TRAF2: variants seen among roughly 807,000 people sequenced by gnomAD.
TRAF2 encodes TNF receptor associated factor 2.
A neutral mutation model predicts 55.6 loss-of-function variants in TRAF2; 6 were observed. The observed-to-expected ratio is 0.11, with a 90% CI of 0.06 to 0.21. The LOEUF (loss-of-function observed/expected upper bound fraction) is 0.21, where lower values mean the gene tolerates loss of function less well. Ranked by LOEUF, TRAF2 falls within the 10% of genes least tolerant of loss-of-function variation. The pLI is 1.00. For synonymous variants in TRAF2, 329 were observed against 276.3 expected (o/e 1.19, Z -1.89); for missense variants, 561 against 684.5 (o/e 0.82, Z 2.01).
intron 1 of TRAF2, among the ~76,000 whole-genome samples, chr9:136,888,129 C>T (rs1849495331): frequency 6.6e-6 from 1 of 152,148 alleles, no homozygotes; most frequent in South Asian, 2.1e-4. Flanking sequence ...CCTCGGCCTC[C>T]CAAAGTGCTA....
chr9:136,888,692 G>T (rs984252311), intron 1 of TRAF2, among the ~76,000 whole-genome samples: 2 of 152,214 alleles, frequency 1.3e-5, no homozygotes, highest in African/African-American at 4.8e-5. Flanking sequence ...TAACAATACA[G>T]CTTGTCCTTT....
chr9:136,887,860 A>C (rs1453788862), intron 1 of TRAF2, among the ~76,000 whole-genome samples: 1 of 152,074 alleles, frequency 6.6e-6, no homozygotes, highest in Admixed American at 6.6e-5. Flanking sequence ...GGTTACATAT[A>C]AAATTGTAAT....
At position 136,890,875 on chromosome 9, in the gene TRAF2, C is replaced by T. The variant is rs112346790; in HGVS notation, c.-29+4334C>T. Reference sequence around the variant, plus strand: ...CCGTGTCAGGATGTCACGATGGCCACGTGAGGCCGTGTCTGTGAGAAGCGT... The same window carrying T: ...CCGTGTCAGGATGTCACGATGGCCATGTGAGGCCGTGTCTGTGAGAAGCGT... On this transcript the variant is annotated intron_variant, in intron 1 of 10. Coordinates refer to ENST00000247668, the MANE Select transcript of TRAF2 (RefSeq NM_021138.4). Among the ~76,000 whole-genome samples the T allele has an allele frequency of 7.0e-4, 107 of 152,272 alleles. 1 individual carries two copies. Among genetic ancestry groups the T allele is most frequent in the Admixed American group, 2.1e-3 (32 of 15,278 alleles).
intron 6 of TRAF2, among the ~76,000 whole-genome samples, chr9:136,914,229 C>T (rs191873307): frequency 1.4e-3 from 219 of 152,300 alleles, no homozygotes; most frequent in African/African-American, 5.1e-3. Context: ...GTTCCATGGA[C>T]GGCCCTGCCG....
Position 136,908,124 on chromosome 9 carries a change from G to C in TRAF2, c.421G>C (p.Gly141Arg). ...LMLTECPACK[G>R]LVRLGEKERH... is the part of the protein sequence containing the mutation. ...GCTGACCGAATGTCCCGCGTGCAAA[G>C]GCCTGGTCCGCCTTGGTGAAAAGGA... The change falls in exon 5 of 11, where the codon GGC (glycine) becomes CGC (arginine). Residue 141 changes from glycine to arginine, a missense_variant. Transcript: ENST00000247668. 6.2e-7 allele frequency: 1 copy of C among 1,605,942 alleles called. No homozygotes were observed.
chr9:136,924,518 C>T (rs759733802), intron 10 of TRAF2, among the ~76,000 whole-genome samples: 14 of 151,644 alleles, frequency 9.2e-5, no homozygotes, highest in African/African-American at 2.4e-4. Context: ...GCCGAGATCA[C>T]GCTACTGCAC....
chr9:136,898,197 A>G (rs1173846268), intron 1 of TRAF2, among the ~76,000 whole-genome samples: 2 of 152,180 alleles, frequency 1.3e-5, no homozygotes, highest in East Asian at 3.8e-4. Context: ...GTCTGGCGGC[A>G]TGGCTCTCTC....
At position 136,926,101 on chromosome 9, in the gene TRAF2, G is replaced by A. The variant is rs1324697437; in HGVS notation, c.*200G>A. The stretch of plus-strand genomic sequence containing the variant: ...CAGTCCTCAGATTTCAGAGACTGCG[G>A]AGGGGCTTGGCAGACGGTCTTAGCC... On this transcript the variant is annotated 3_prime_UTR_variant, in exon 11 of 11. Coordinates refer to ENST00000247668, the MANE Select transcript of TRAF2 (RefSeq NM_021138.4). The A allele has an allele frequency of 1.3e-6, 1 of 779,668 alleles. No homozygotes were observed. The highest frequency in any genetic ancestry group is 2.3e-6 in the Non-Finnish European group (1 of 439,974). The allele number at this position is 779,668 out of a possible 1,614,324, so 48.3% of individuals were successfully genotyped here.
chr9:136,912,536 T>C (rs1218098989), intron 6 of TRAF2, among the ~76,000 whole-genome samples: 2 of 152,006 alleles, frequency 1.3e-5, no homozygotes, highest in Non-Finnish European at 2.9e-5. Context: ...ATATATAGAG[T>C]AGGTTTAAAA....
intron 4 of TRAF2, 26 bp downstream of exon 4, chr9:136,900,546 T>A (rs1366158706): frequency 6.3e-7 from 1 of 1,596,588 alleles, no homozygotes; most frequent in Middle Eastern, 1.7e-4. Flanking sequence ...TGTGGCATGG[T>A]GACAGAAGCT....
intron 1 of TRAF2, among the ~76,000 whole-genome samples, chr9:136,890,867 G>A (rs1323106380): frequency 1.3e-5 from 2 of 152,290 alleles, no homozygotes; most frequent in Non-Finnish European, 2.9e-5. Flanking sequence ...AGGATGTCAC[G>A]ATGGCCACGT....
intron 6 of TRAF2, among the ~76,000 whole-genome samples, chr9:136,913,175 G>GGCTTCT (rs1237922907): frequency 6.6e-6 from 1 of 151,874 alleles, no homozygotes; most frequent in East Asian, 1.9e-4. Flanking sequence ...CCAGCAACAT[G>GGCTTCT]GCTTCTGATG....
At chr9:136,899,463 C>T (rs1160658713) in intron 2 of TRAF2, 131 bp from the exon 3 acceptor site, 5 of 696,598 alleles carry the variant, frequency 7.2e-6, no homozygotes, top group South Asian at 1.9e-5. Context: ...CATTTGCCTG[C>T]TGTTGGTTTC....
At chr9:136,924,666 A>G (rs573675523) in intron 10 of TRAF2, among the ~76,000 whole-genome samples, 38 of 152,278 alleles carry the variant, frequency 2.5e-4, no homozygotes, top group African/African-American at 8.4e-4. Context: ...CAGTAGTTTG[A>G]AAACCCTGCC....
At chr9:136,886,282 A>G, upstream of TRAF2, 4 of 527,666 alleles carry the variant, frequency 7.6e-6, no homozygotes, top group Non-Finnish European at 9.7e-6. Flanking sequence ...CGACTTAGGT[A>G]CCCACGCCGT....
At chr9:136,923,795 G>A (rs1391625439) in intron 9 of TRAF2, 57 bp from the exon 10 acceptor site, 3 of 1,574,712 alleles carry the variant, frequency 1.9e-6, no homozygotes, top group Admixed American at 1.7e-5. Flanking sequence ...GGCAGGAAGA[G>A]CCCTGCCCCG....
chr9:136,917,023 G>A (rs774638301), intron 7 of TRAF2, among the ~76,000 whole-genome samples: 4 of 152,078 alleles, frequency 2.6e-5, no homozygotes, highest in Admixed American at 6.5e-5. Flanking sequence ...TGAGCCCTCC[G>A]CCACCAGCAG....
intron 6 of TRAF2, among the ~76,000 whole-genome samples, chr9:136,912,468 CT>C (rs1380454257): frequency 7.9e-5 from 12 of 152,106 alleles, no homozygotes; most frequent in Admixed American, 7.9e-4. Flanking sequence ...CCTCTCTTAT[CT>C]TTTTTTAGTG....
intron 1 of TRAF2, 33 bp downstream of exon 1, chr9:136,886,574 G>A: frequency 1.0e-6 from 1 of 982,464 alleles, no homozygotes; most frequent in Non-Finnish European, 1.2e-6. Flanking sequence ...TGCGGGGTCG[G>A]GCGCGGGCGC....
Sources: allele counts gnomAD v4.1 joint callset (sites outside exome capture counted in the v4.1 genomes callset), GRCh38; gene constraint gnomAD v4.1.1; transcripts MANE v1.5; gene names NCBI Gene and HGNC (gene_info 2026-07-23, HGNC 2026-07-21).